TTYH2: variants seen among roughly 807,000 people sequenced by gnomAD.
TTYH2 encodes tweety family member 2.
In TTYH2, 49 loss-of-function variants were observed where a neutral mutation model predicts 68.3. The observed-to-expected ratio is 0.72, with a 90% CI of 0.57 to 0.91. The LOEUF (loss-of-function observed/expected upper bound fraction) is 0.91, where lower values mean the gene tolerates loss of function less well. Ranked by LOEUF, TTYH2 falls within the 40% of genes least tolerant of loss-of-function variation. The pLI, the probability that TTYH2 is intolerant of heterozygous loss-of-function variation, is 0.00. For missense variants in TTYH2, 631 were observed against 700.4 expected, an observed-to-expected ratio of 0.90 and a Z score of 1.12; for synonymous variants, 272 against 300.8, an observed-to-expected ratio of 0.90 and a Z score of 0.99.
At chr17:74,245,679 C>T (rs143491397) in intron 6 of TTYH2, among the ~76,000 whole-genome samples, 332 of 152,292 alleles carry the variant, frequency 2.2e-3, no homozygotes, top group African/African-American at 7.5e-3. Flanking sequence ...GGGGAGCAGG[C>T]GGTGGAGCTG....
intron 6 of TTYH2, 97 bp from the exon 7 acceptor site, chr17:74,248,914 C>T: frequency 6.3e-7 from 1 of 1,583,996 alleles, no homozygotes; most frequent in Non-Finnish European, 8.6e-7. Flanking sequence ...TGGGAGGGAG[C>T]TCAAGGGGCT....
At chr17:74,234,217 G>A (rs1025597506) in intron 3 of TTYH2, among the ~76,000 whole-genome samples, 1 of 152,216 alleles carries the variant, frequency 6.6e-6, no homozygotes, top group African/African-American at 2.4e-5. Flanking sequence ...CCCAGGGGGT[G>A]CATCTTACGC....
rs199960092 is a variant in TTYH2, at chr17:74,241,262, C to CGTGTGTGTGTGTGT, written c.636-2090_636-2077dup. 1.5e-4 allele frequency among the ~76,000 whole-genome samples: 21 copies of CGTGTGTGTGTGTGT among 144,794 alleles called. No homozygotes were observed. Among genetic ancestry groups the CGTGTGTGTGTGTGT allele is most frequent in the African/African-American group, 5.1e-4 (20 of 39,010 alleles). The allele number at this position is 144,794 out of a possible 152,430, so 95.0% of individuals were successfully genotyped here. A position where few individuals can be genotyped will look rare whatever the true frequency, so the allele number is the denominator to read the frequency against. ...ATAGACAGACCCGGTATTTATAATA[C>CGTGTGTGTGTGTGT]GTGTGTGTGTGTGTGTGTGTGTGTG... On this transcript the variant is annotated intron_variant, in intron 4 of 13. Transcript: ENST00000269346. The surrounding 1 kb of genome is among the most constrained non-coding windows in gnomAD (Gnocchi z 4.1).
chr17:74,241,250 G>A lies in TTYH2; in HGVS notation c.636-2124G>A, dbSNP rs962579901. Among the ~76,000 whole-genome samples, 7 of 148,488 alleles carry A rather than the reference G, an allele frequency of 4.7e-5. No individual in the cohort carries two copies. The highest frequency in any genetic ancestry group is 1.0e-4 in the Non-Finnish European group (7 of 67,494). ...AGCCTGGACAACATAGACAGACCCG[G>A]TATTTATAATACGTGTGTGTGTGTG... On this transcript the variant is annotated intron_variant, in intron 4 of 13. Transcript: ENST00000269346. This position sits in a 1 kb window ranked among gnomAD's most constrained non-coding sequence, Gnocchi z 4.1.
In TTYH2 at chr17:74,222,600, A is replaced by G. The variant is rs2050287453; in HGVS notation, c.245A>G (p.Lys82Arg). ...CGGCGGGACGATGCGGTGCAGACCA[A>G]GCAGCACCACTCCTGCTGCATCACC... ...HCRRDDAVQT[K>R]QHHSCCITWT... is the part of the protein sequence containing the mutation. Residue 82 changes from lysine to arginine, a missense_variant, in exon 2 of 14, where the codon AAG becomes AGG. By Grantham distance (26) the Lys-to-Arg change is conservative. Transcript: ENST00000269346. The surrounding 1 kb of genome is among the most constrained non-coding windows in gnomAD (Gnocchi z 5.2). 6.2e-7 allele frequency: 1 copy of G among 1,612,096 alleles called. No individual in the cohort carries two copies.
intron 3 of TTYH2, among the ~76,000 whole-genome samples, chr17:74,235,309 C>T (rs893290256): frequency 1.3e-5 from 2 of 152,182 alleles, no homozygotes; most frequent in African/African-American, 2.4e-5. Flanking sequence ...TCTTCTGTGT[C>T]GTTTTTATCT....
Position 74,261,386 on chromosome 17 carries a change from T to A in TTYH2, c.*1177T>A, listed in dbSNP as rs2050749252. ...CCCCTCCCTGTTGTCTCCAAGTAAG[T>A]TTGCCAGAAAAGGTTTTAGCAAAGT... On this transcript the variant is annotated 3_prime_UTR_variant, in exon 14 of 14. Transcript: ENST00000269346. 6.6e-6 allele frequency: 1 copy of A among 152,180 alleles called. No homozygotes were observed. The highest frequency in any genetic ancestry group is 6.5e-5 in the Admixed American group (1 of 15,280). 9.4% of individuals were successfully genotyped at this position (152,180 alleles called of 1,614,324 possible).
intron 2 of TTYH2, among the ~76,000 whole-genome samples, chr17:74,225,321 A>T (rs1409306225): frequency 2.0e-5 from 3 of 151,674 alleles, no homozygotes; most frequent in African/African-American, 7.3e-5. Context: ...TGGCAGTGGG[A>T]TGGGGAAAGT....
chr17:74,224,605 C>T (rs1337448063), intron 2 of TTYH2, among the ~76,000 whole-genome samples: 2 of 152,192 alleles, frequency 1.3e-5, no homozygotes, highest in African/African-American at 2.4e-5. Flanking sequence ...TTGTACCAGG[C>T]AAGAGGGCAC....
intron 10 of TTYH2, chr17:74,250,632 A>G: frequency 2.7e-6 from 1 of 372,174 alleles, no homozygotes; most frequent in Non-Finnish European, 4.9e-6. Context: ...AATGCAAGGG[A>G]GGCTGTTCCC....
chr17:74,220,967 AT>A (rs1277924602), intron 1 of TTYH2, among the ~76,000 whole-genome samples: 1 of 151,632 alleles, frequency 6.6e-6, no homozygotes, highest in Non-Finnish European at 1.5e-5. Flanking sequence ...TTTATTTTTT[AT>A]TTTTTTGTAG....
rs2050280641 is a variant in TTYH2, at chr17:74,222,047, T to C, written c.130-438T>C. Among the ~76,000 whole-genome samples, 1 of 152,108 alleles carries C rather than the reference T, an allele frequency of 6.6e-6. No homozygotes were observed. The highest frequency in any genetic ancestry group is 2.4e-5 in the African/African-American group (1 of 41,426). On this transcript the variant is annotated intron_variant, in intron 1 of 13. Transcript: ENST00000269346. The surrounding 1 kb of genome is among the most constrained non-coding windows in gnomAD (Gnocchi z 5.2). The stretch of plus-strand genomic sequence containing the variant: ...GCACTCAGCGCCCGAGGCCTCTGGG[T>C]ACTCTGGTCTTGGACGGTATCCCTC...
chr17:74,231,141 C>T lies in TTYH2; in HGVS notation c.414+142C>T, dbSNP rs1598218926. 14 of 747,074 alleles carry T rather than the reference C, an allele frequency of 1.9e-5. No individual in the cohort carries two copies. In the Admixed American group the frequency reaches 3.0e-4, roughly 16 times the overall value. The allele number at this position is 747,074 out of a possible 1,614,324, so 46.3% of individuals were successfully genotyped here. ...CGCCTGAGGGCTGGACCCCCGCCTG[C>T]GCTGCAGTTGCCTCTGCTGGGGCAA... On this transcript the variant is annotated intron_variant, in intron 3 of 13. Transcript: ENST00000269346.
chr17:74,223,271 C>T (rs2050295970), intron 2 of TTYH2, among the ~76,000 whole-genome samples: 1 of 146,370 alleles, frequency 6.8e-6, no homozygotes, highest in Non-Finnish European at 1.5e-5. Context: ...ACCATGCCTG[C>T]CTGGCTTTTT....
chr17:74,220,788 C>A (rs1182666822), intron 1 of TTYH2, among the ~76,000 whole-genome samples: 1 of 151,284 alleles, frequency 6.6e-6, no homozygotes, highest in African/African-American at 2.4e-5. Context: ...TCCCAGCTGC[C>A]ACTTTTTTTT....
intron 2 of TTYH2, among the ~76,000 whole-genome samples, chr17:74,229,551 C>A (rs1281481022): frequency 6.6e-6 from 1 of 152,074 alleles, no homozygotes; most frequent in Non-Finnish European, 1.5e-5. Context: ...CAGCTCAAGT[C>A]AAAAACCTGC....
intron 13 of TTYH2, among the ~76,000 whole-genome samples, chr17:74,259,380 A>G (rs1485617180): frequency 6.6e-6 from 1 of 151,676 alleles, no homozygotes; most frequent in Admixed American, 6.6e-5. Flanking sequence ...TGCCCAGCTA[A>G]TTTTTTGTAT....
In TTYH2 at chr17:74,222,719, G is replaced by A. The variant is rs551490075; in HGVS notation, c.302+62G>A. Reference sequence around the variant, plus strand: ...CTCAGTCTGCAAGGGGCCAGGGACTGTTTGACCATGTTCTGACGGAGCTCC... The same window carrying A: ...CTCAGTCTGCAAGGGGCCAGGGACTATTTGACCATGTTCTGACGGAGCTCC... On this transcript the variant is annotated intron_variant, in intron 2 of 13. Coordinates refer to ENST00000269346, the MANE Select transcript of TTYH2 (RefSeq NM_032646.6). The surrounding 1 kb of genome is among the most constrained non-coding windows in gnomAD (Gnocchi z 5.2). The A allele has an allele frequency of 1.9e-4, 288 of 1,495,600 alleles. No homozygotes were observed. The African/African-American group carries it at 3.5e-3, about 18-fold the overall frequency. 92.6% of individuals were successfully genotyped at this position (1,495,600 alleles called of 1,614,324 possible).
At position 74,260,335 on chromosome 17, in the gene TTYH2, G is replaced by A. The variant is rs2050737083; in HGVS notation, c.*126G>A. On this transcript the variant is annotated 3_prime_UTR_variant, in exon 14 of 14. Transcript: ENST00000269346. Reference sequence around the variant, plus strand: ...CGAGAGGCCTCCTGCTGTGGCAGAGGAGCAGCTGGGATTCCCGACCAAAGC... The same window carrying A: ...CGAGAGGCCTCCTGCTGTGGCAGAGAAGCAGCTGGGATTCCCGACCAAAGC... 3.1e-6 allele frequency: 3 copies of A among 953,306 alleles called. No homozygotes were observed. The highest frequency in any genetic ancestry group is 4.9e-6 in the Non-Finnish European group (3 of 616,028). 59.1% of individuals were successfully genotyped at this position (953,306 alleles called of 1,614,324 possible).
Sources: gnomAD v4.1 joint callset for allele counts (sites outside exome capture counted in the v4.1 genomes callset) on GRCh38, gnomAD v4.1.1 for gene constraint, Gnocchi (gnomAD v3.1) non-coding constraint, MANE v1.5 for transcripts, NCBI Gene and HGNC (gene_info 2026-07-23, HGNC 2026-07-21) for gene names.